The following SLC24A2 variants were observed in gnomAD, a reference collection of about 807,000 sequenced individuals.
SLC24A2 encodes the protein sodium/potassium/calcium exchanger 2.
Under a neutral mutation model 62.0 loss-of-function variants are expected in SLC24A2, and 36 were observed. That is an observed-to-expected ratio of 0.58 (90% confidence interval 0.44 to 0.77). The LOEUF (loss-of-function observed/expected upper bound fraction) is 0.77. Among genes scored for constraint, SLC24A2 ranks in the 30% least tolerant of loss-of-function variants. SLC24A2 has a pLI of 0.00. For missense variants in SLC24A2, 846 were observed against 817.9 expected (o/e 1.03, Z -0.42); for synonymous variants, 358 against 294.0 (o/e 1.22, Z -2.23).
chr9:20,122,634 C>T, the SLC24A2 span, among the ~76,000 whole-genome samples: 9 of 152,154 alleles, frequency 5.9e-5, no homozygotes, highest in East Asian at 5.8e-4. Context: ...TGCAGTGAGT[C>T]GAGATTGCAC....
At chr9:20,292,156 A>C in the SLC24A2 span, among the ~76,000 whole-genome samples, 3 of 152,162 alleles carry the variant, frequency 2.0e-5, no homozygotes, top group Non-Finnish European at 2.9e-5. Context: ...GCCAATCAAA[A>C]AACGACTTGC....
At chr9:20,157,777 GAA>G in the SLC24A2 span, among the ~76,000 whole-genome samples, 3 of 151,500 alleles carry the variant, frequency 2.0e-5, no homozygotes, top group Non-Finnish European at 4.4e-5. Flanking sequence ...AGAAATTAGA[GAA>G]ATAAAATATA....
intron 2 of SLC24A2, among the ~76,000 whole-genome samples, chr9:19,629,189 C>T (rs1195836258): frequency 6.6e-6 from 1 of 152,110 alleles, no homozygotes; most frequent in Non-Finnish European, 1.5e-5. Context: ...AGCTCAGATA[C>T]GAACTCAGAC....
chr9:19,532,325 A>G (rs1423051992), intron 8 of SLC24A2, among the ~76,000 whole-genome samples: 1 of 151,994 alleles, frequency 6.6e-6, no homozygotes, highest in Non-Finnish European at 1.5e-5. Flanking sequence ...CGAACTCCCA[A>G]CCTCAGATGA....
the SLC24A2 span, among the ~76,000 whole-genome samples, chr9:19,827,919 C>T: frequency 1.3e-5 from 2 of 152,286 alleles, no homozygotes; most frequent in South Asian, 4.1e-4. Flanking sequence ...CCTTTCTTCT[C>T]CTGAAAATTG....
chr9:19,670,683 A>G (rs1819388867), intron 2 of SLC24A2, among the ~76,000 whole-genome samples: 1 of 152,206 alleles, frequency 6.6e-6, no homozygotes, highest in Non-Finnish European at 1.5e-5. Flanking sequence ...AGCCTCTAGA[A>G]CATTCCCAGG....
chr9:20,245,644 G>T, the SLC24A2 span, among the ~76,000 whole-genome samples: 1 of 152,202 alleles, frequency 6.6e-6, no homozygotes, highest in Non-Finnish European at 1.5e-5. Context: ...GTGTTAAAAG[G>T]TCAAGCGAAT....
rs747289065 is a variant in SLC24A2, at chr9:19,786,914, C to G, written c.-48G>C. On this transcript the variant is annotated 5_prime_UTR_variant, in exon 2 of 11. Transcript: ENST00000341998. This position sits in a 1 kb window ranked among gnomAD's most constrained non-coding sequence, Gnocchi z 5.0. ...GTGATCTTCCAACTTTAGACTCAAC[C>G]AGATGGTTCTTTCATACTTTTCCTT... 2 of 1,596,162 alleles carry G rather than the reference C, an allele frequency of 1.3e-6. No individual in the cohort carries two copies. Among genetic ancestry groups the G allele is most frequent in the South Asian group, 1.1e-5 (1 of 90,102 alleles).
the SLC24A2 span, among the ~76,000 whole-genome samples, chr9:20,041,746 G>A: frequency 6.6e-6 from 1 of 152,266 alleles, no homozygotes; most frequent in Non-Finnish European, 1.5e-5. Context: ...TGCTGGAGAA[G>A]TTGGTATCTG....
At position 19,710,178 on chromosome 9, in the gene SLC24A2, A is replaced by T. The variant is rs191572802; in HGVS notation, c.930+75759T>A. Among the ~76,000 whole-genome samples, 311 of 152,262 alleles carry T rather than the reference A, an allele frequency of 2.0e-3. 6 individuals carry two copies. The highest frequency in any genetic ancestry group is 1.5e-3 in the Non-Finnish European group (103 of 68,014). On this transcript the variant is annotated intron_variant, in intron 2 of 10. Transcript: ENST00000341998. ...AATAAAGCCCTAGCACTCTGAAAAA[A>T]TTTTTTTGACTGATTAATTCATCAT... is the stretch of plus-strand genomic sequence containing the variant.
the SLC24A2 span, among the ~76,000 whole-genome samples, chr9:20,183,879 C>G: frequency 2.0e-5 from 3 of 152,208 alleles, no homozygotes; most frequent in East Asian, 5.8e-4. Flanking sequence ...TCACCTGCAT[C>G]AGAATTTCAC....
intron 3 of SLC24A2, among the ~76,000 whole-genome samples, chr9:19,621,476 T>A (rs1172224103): frequency 6.6e-6 from 1 of 152,220 alleles, no homozygotes; most frequent in Non-Finnish European, 1.5e-5. Context: ...TCTTAAACAT[T>A]TTTTAATGCA....
the SLC24A2 span, among the ~76,000 whole-genome samples, chr9:20,242,205 A>G: frequency 9.2e-5 from 14 of 152,204 alleles, no homozygotes; most frequent in African/African-American, 3.4e-4. Context: ...TCAGTCTACC[A>G]GTCCATAAAA....
chr9:20,006,607 C>T, the SLC24A2 span, among the ~76,000 whole-genome samples: 1 of 151,728 alleles, frequency 6.6e-6, no homozygotes, highest in Non-Finnish European at 1.5e-5. Flanking sequence ...TACTATGTAC[C>T]CACAAAAATT....
At chr9:19,747,561 T>A (rs1371488511) in intron 2 of SLC24A2, among the ~76,000 whole-genome samples, 1 of 152,206 alleles carries the variant, frequency 6.6e-6, no homozygotes, top group African/African-American at 2.4e-5. Flanking sequence ...TTAATAGAAG[T>A]TAGTCATATA....
intron 2 of SLC24A2, among the ~76,000 whole-genome samples, chr9:19,732,132 G>C (rs942874974): frequency 6.6e-6 from 1 of 152,074 alleles, no homozygotes; most frequent in Non-Finnish European, 1.5e-5. Flanking sequence ...AACTCTTCCT[G>C]GTGAACTTTT....
chr9:19,572,631 G>A (rs1246319860), intron 7 of SLC24A2, among the ~76,000 whole-genome samples: 4 of 152,178 alleles, frequency 2.6e-5, no homozygotes, highest in African/African-American at 4.8e-5. Context: ...TTCCTGTTGA[G>A]CCTGTGGAAC....
intron 8 of SLC24A2, among the ~76,000 whole-genome samples, chr9:19,543,257 G>T (rs1353158027): frequency 1.3e-5 from 2 of 152,160 alleles, no homozygotes; most frequent in Non-Finnish European, 2.9e-5. Context: ...TTGTATTTCT[G>T]TGGGATCAGT....
intron 7 of SLC24A2, among the ~76,000 whole-genome samples, chr9:19,571,857 A>T (rs1835845686): frequency 1.3e-5 from 2 of 152,140 alleles, no homozygotes; most frequent in African/African-American, 2.4e-5. Context: ...TTCTAGAGAG[A>T]GTGGTGGAAA....
Sources: gnomAD v4.1 joint callset for allele counts (sites outside exome capture counted in the v4.1 genomes callset) on GRCh38, gnomAD v4.1.1 for gene constraint, Gnocchi (gnomAD v3.1) non-coding constraint, MANE v1.5 for transcripts, NCBI Gene and HGNC (gene_info 2026-07-23, HGNC 2026-07-21) for gene names.